Variants in C3orf52 observed in about 807,000 individuals in gnomAD.
C3orf52 encodes chromosome 3 open reading frame 52.
In C3orf52, 22 loss-of-function variants were observed where a neutral mutation model predicts 24.8. That is an observed-to-expected ratio of 0.89 (90% confidence interval 0.63 to 1.27). The LOEUF (loss-of-function observed/expected upper bound fraction) is 1.27. Ranked by LOEUF, C3orf52 falls within the 50% of genes most tolerant of loss-of-function variation. The pLI is 0.00. For missense variants in C3orf52, 265 were observed against 260.7 expected (o/e 1.02, Z -0.11); for synonymous variants, 93 against 100.2 (o/e 0.93, Z 0.43).
intron 4 of C3orf52, among the ~76,000 whole-genome samples, chr3:112,127,768 C>T (rs979794791): frequency 7.2e-5 from 11 of 152,182 alleles, no homozygotes; most frequent in Non-Finnish European, 1.2e-4. Flanking sequence ...ATGTTTTCTA[C>T]GTTAGTAGCT....
intron 5 of C3orf52, among the ~76,000 whole-genome samples, chr3:112,115,616 C>T (rs1335982052): frequency 6.6e-6 from 1 of 152,220 alleles, no homozygotes; most frequent in Non-Finnish European, 1.5e-5. Context: ...CTCCCCACAA[C>T]ACAAAATTGT....
downstream of C3orf52, chr3:112,134,762 G>A (rs2074533253): frequency 6.5e-6 from 1 of 153,900 alleles, no homozygotes; most frequent in Admixed American, 6.5e-5. Context: ...TGCTAAATAA[G>A]CTCTGTGTTA....
At chr3:112,126,761 A>G (rs758985005) in intron 4 of C3orf52, among the ~76,000 whole-genome samples, 4 of 152,164 alleles carry the variant, frequency 2.6e-5, no homozygotes, top group Non-Finnish European at 5.9e-5. Context: ...TTCAGCCTCC[A>G]GGCCTCAGGC....
chr3:112,094,798 T>C (rs2073911602), intron 2 of C3orf52, among the ~76,000 whole-genome samples: 1 of 152,150 alleles, frequency 6.6e-6, no homozygotes, highest in East Asian at 1.9e-4. Context: ...TTTTTATTTA[T>C]ATGTGGGGGT....
rs1444347089 is a variant in C3orf52, at chr3:112,086,423, C to A, written c.16C>A (p.Pro6Thr). Residue 6 changes from proline to threonine, a missense_variant, in exon 1 of 6, where the codon CCC becomes ACC. By Grantham distance (38) the Pro-to-Thr change is conservative (BLOSUM62 -1). Transcript: ENST00000264848. Reference sequence around the variant, plus strand: ...CTGCCGGCACATGGACCTGGCCCAACCCTCACAGCCAGTAGACGAGCTGGA... The same window carrying A: ...CTGCCGGCACATGGACCTGGCCCAAACCTCACAGCCAGTAGACGAGCTGGA... MDLAQ[P>T]SQPVDELELS... The A allele has an allele frequency of 5.2e-6, 8 of 1,550,182 alleles. No individual in the cohort carries two copies. In the South Asian group the frequency reaches 8.3e-5, roughly 16 times the overall value.
chr3:112,133,435 C>G (rs1432634945), downstream of C3orf52: 9 of 321,070 alleles, frequency 2.8e-5, no homozygotes, highest in Admixed American at 4.9e-5. Context: ...TACAGATGGG[C>G]CATGGGAGTT....
intron 5 of C3orf52, 143 bp from the exon 6 acceptor site, chr3:112,116,499 A>G: frequency 1.5e-6 from 1 of 684,166 alleles, no homozygotes; most frequent in Non-Finnish European, 2.4e-6. Flanking sequence ...CTGAAGACTA[A>G]ATTTCCTCTG....
At chr3:112,088,272 ATAAAG>A (rs1217153730) in intron 1 of C3orf52, among the ~76,000 whole-genome samples, 3 of 152,232 alleles carry the variant, frequency 2.0e-5, no homozygotes, top group Non-Finnish European at 4.4e-5. Context: ...GTCCTATAAA[ATAAAG>A]TGAAGTGTAT....
At chr3:112,095,702 T>C (rs973030890) in intron 2 of C3orf52, among the ~76,000 whole-genome samples, 2 of 152,180 alleles carry the variant, frequency 1.3e-5, no homozygotes, top group African/African-American at 4.8e-5. Context: ...AAACTACTTT[T>C]TAAATCAAGG....
In C3orf52 at chr3:112,116,820, TA is replaced by T. The variant is rs1311661208; in HGVS notation, c.*178del. 4.1e-5 allele frequency: 63 copies of T among 1,538,668 alleles called. No individual in the cohort carries two copies. Among genetic ancestry groups the T allele is most frequent in the Non-Finnish European group, 5.3e-5 (61 of 1,146,924 alleles). ...TTCTACAGTCTGGCTCTAAGCCCAG[TA>T]AAACAGCTCCCGAGCACTGCTTCAG... is the stretch of plus-strand genomic sequence containing the variant. On this transcript the variant is annotated 3_prime_UTR_variant, in exon 6 of 6. Transcript: ENST00000264848.
rs762502311 is a variant in C3orf52, at chr3:112,113,151, T to C, written c.649+6T>C. 4.4e-6 allele frequency: 7 copies of C among 1,585,192 alleles called. No individual in the cohort carries two copies. In the Admixed American group the frequency reaches 7.3e-5, roughly 17 times the overall value. ...AACATCCCTCTTGCTCTATGGTAAGTAGAGCAAGTAAAGAAGTCAGAGTTG... is the reference window on the plus strand; with the variant it reads ...AACATCCCTCTTGCTCTATGGTAAGCAGAGCAAGTAAAGAAGTCAGAGTTG... On this transcript the variant is annotated splice_donor_region_variant and intron_variant, in intron 5 of 5. Coordinates refer to ENST00000264848, the MANE Select transcript of C3orf52 (RefSeq NM_024616.3).
At chr3:112,114,747 G>A (rs2074119844) in intron 5 of C3orf52, among the ~76,000 whole-genome samples, 1 of 152,172 alleles carries the variant, frequency 6.6e-6, no homozygotes, top group African/African-American at 2.4e-5. Context: ...CCTCCCATGT[G>A]AAGAGGCCTG....
intron 1 of C3orf52, among the ~76,000 whole-genome samples, chr3:112,092,979 C>T (rs2073893151): frequency 6.6e-6 from 1 of 152,180 alleles, no homozygotes; most frequent in African/African-American, 2.4e-5. Context: ...TGCTCCCAGC[C>T]TTTCACTCTC....
At chr3:112,087,648 A>ACCTAT (rs2073841914) in intron 1 of C3orf52, among the ~76,000 whole-genome samples, 1 of 152,240 alleles carries the variant, frequency 6.6e-6, no homozygotes, top group South Asian at 2.1e-4. Flanking sequence ...TCTGGAGAGT[A>ACCTAT]ATTTGGAAAC....
chr3:112,104,223 A>G (rs1389012298), intron 3 of C3orf52, among the ~76,000 whole-genome samples: 2 of 152,096 alleles, frequency 1.3e-5, no homozygotes, highest in African/African-American at 4.8e-5. Flanking sequence ...AACCCAGGAG[A>G]ATGAACCCTC....
At chr3:112,104,606 A>AT (rs932986449) in intron 3 of C3orf52, among the ~76,000 whole-genome samples, 1 of 151,034 alleles carries the variant, frequency 6.6e-6, no homozygotes, top group African/African-American at 2.4e-5. Context: ...ATATCTTTAA[A>AT]TTTTTTTTAG....
chr3:112,109,672 C>G (rs1230255386), intron 4 of C3orf52, 59 bp downstream of exon 4: 1 of 1,023,710 alleles, frequency 9.8e-7, no homozygotes, highest in Non-Finnish European at 1.5e-6. Context: ...CCCCCCACCC[C>G]ACCCTTCGTC....
downstream of C3orf52, among the ~76,000 whole-genome samples, chr3:112,135,623 A>C (rs1333730615): frequency 6.6e-6 from 1 of 152,060 alleles, no homozygotes; most frequent in Non-Finnish European, 1.5e-5. Context: ...TTTTCTAAAA[A>C]AACACAAATG....
intron 5 of C3orf52, among the ~76,000 whole-genome samples, chr3:112,113,706 A>C (rs2074108542): frequency 1.3e-5 from 2 of 152,250 alleles, no homozygotes; most frequent in South Asian, 4.1e-4. Context: ...AACTTTTAAA[A>C]TTAAGAACAG....
Sources: allele counts gnomAD v4.1 joint callset (sites outside exome capture counted in the v4.1 genomes callset), GRCh38; gene constraint gnomAD v4.1.1; transcripts MANE v1.5; gene names NCBI Gene and HGNC (gene_info 2026-07-23, HGNC 2026-07-21).